The following TSPAN4 variants were observed in gnomAD, a reference collection of about 807,000 sequenced individuals.
TSPAN4 encodes tetraspanin-4.
In TSPAN4, 38 loss-of-function variants were observed where a neutral mutation model predicts 31.5. The observed-to-expected ratio is 1.21, with a 90% CI of 0.93 to 1.58. TSPAN4 has a LOEUF of 1.58. TSPAN4 is among the 40% of genes most tolerant of loss of function. The pLI, the probability that TSPAN4 is intolerant of heterozygous loss-of-function variation, is 0.00. For synonymous variants in TSPAN4, 186 were observed against 144.6 expected (o/e 1.29, Z -2.06); for missense variants, 330 against 317.3 (o/e 1.04, Z -0.30).
At chr11:861,493 A>G (rs936707205) in intron 3 of TSPAN4, among the ~76,000 whole-genome samples, 7 of 152,098 alleles carry the variant, frequency 4.6e-5, no homozygotes, top group African/African-American at 1.7e-4. Context: ...TGGGTGGATC[A>G]CGAGGTTGGG....
chr11:858,898 C>G (rs1423811215), intron 3 of TSPAN4, among the ~76,000 whole-genome samples: 3 of 145,220 alleles, frequency 2.1e-5, no homozygotes, highest in Non-Finnish European at 1.5e-5. Context: ...ACACGCATCC[C>G]CGCTCACACG....
chr11:864,995 G>A (rs186123737), intron 5 of TSPAN4: 32 of 183,704 alleles, frequency 1.7e-4, no homozygotes, highest in African/African-American at 6.1e-4. Flanking sequence ...AGCTTCTGCC[G>A]TCTGCTGCTG....
chr11:864,575 G>A (rs1589796330), intron 5 of TSPAN4, 64 bp downstream of exon 5: 2 of 1,590,316 alleles, frequency 1.3e-6, no homozygotes, highest in East Asian at 4.5e-5. Context: ...CTCCCAGGGA[G>A]CACTGTGGGC....
intron 1 of TSPAN4, among the ~76,000 whole-genome samples, chr11:846,555 G>A (rs908824801): frequency 2.0e-5 from 3 of 152,194 alleles, no homozygotes; most frequent in Non-Finnish European, 2.9e-5. Context: ...ACTGCGTTTG[G>A]CTGCCCAGGT....
In TSPAN4 at chr11:865,927, G is replaced by A. The variant is rs766986570; in HGVS notation, c.574G>A (p.Glu192Lys). The A allele has an allele frequency of 1.1e-5, 17 of 1,613,166 alleles. No individual in the cohort carries two copies. The highest frequency in any genetic ancestry group is 1.7e-5 in the Admixed American group (1 of 60,034). ...ACATCCCTCCCTGCAGCCGTGCTAC[G>A]AGACGGTGAAGGTGTGGCTTCAGGA... The part of the protein sequence containing the change: ...PGTWWKAPCY[E>K]TVKVWLQENL... The change falls in exon 8 of 9, where the codon GAG (glutamate) becomes AAG (lysine). Residue 192 changes from glutamate to lysine, a missense_variant. By Grantham distance (56) the Glu-to-Lys change is moderately conservative (BLOSUM62 1). Transcript: ENST00000397397.
chr11:846,560 C>G (rs1590221545), intron 1 of TSPAN4, among the ~76,000 whole-genome samples: 1 of 152,166 alleles, frequency 6.6e-6, no homozygotes, highest in Non-Finnish European at 1.5e-5. Flanking sequence ...GTTTGGCTGC[C>G]CAGGTGGGTT....
chr11:853,661 C>T (rs975297791), intron 3 of TSPAN4, among the ~76,000 whole-genome samples: 1 of 152,064 alleles, frequency 6.6e-6, no homozygotes, highest in African/African-American at 2.4e-5. Context: ...TGGTGGGGGA[C>T]CCGGTGGGGC....
At chr11:852,142 T>G (rs1847785936) in intron 3 of TSPAN4, among the ~76,000 whole-genome samples, 1 of 152,152 alleles carries the variant, frequency 6.6e-6, no homozygotes, top group Non-Finnish European at 1.5e-5. Flanking sequence ...TATCTTTGTT[T>G]TTTGAGATAG....
Position 865,495 on chromosome 11 carries a change from C to T in TSPAN4, c.331-18C>T, listed in dbSNP as rs61614113. The T allele has an allele frequency of 3.2e-6, 5 of 1,570,604 alleles. No homozygotes were observed. In the South Asian group the frequency reaches 4.5e-5, roughly 14 times the overall value. On this transcript the variant is annotated intron_variant, in intron 5 of 8. Coordinates refer to ENST00000397397, the MANE Select transcript of TSPAN4 (RefSeq NM_003271.5). ...GGTACAGTGGGAGGGGCCCTGCTGA[C>T]CCCCCCCGCACCCCCAGATTGACAG... is the stretch of plus-strand genomic sequence containing the variant.
At position 865,676 on chromosome 11, in the gene TSPAN4, C is replaced by T; in HGVS notation, c.433-18C>T. 1.2e-6 allele frequency: 2 copies of T among 1,613,002 alleles called. No homozygotes were observed. Among genetic ancestry groups the T allele is most frequent in the Non-Finnish European group, 1.7e-6 (2 of 1,179,858 alleles). On this transcript the variant is annotated intron_variant, in intron 6 of 8. Coordinates refer to ENST00000397397, the MANE Select transcript of TSPAN4 (RefSeq NM_003271.5). Reference sequence around the variant, plus strand: ...CCCCTCCCCTCCTGCCTCAGCCCGACCTGAGCTTGCCCCCCAGTTCCGCTG... The same window carrying T: ...CCCCTCCCCTCCTGCCTCAGCCCGATCTGAGCTTGCCCCCCAGTTCCGCTG...
intron 2 of TSPAN4, 137 bp downstream of exon 2, chr11:847,437 T>TGG (rs1847379487): frequency 6.6e-6 from 1 of 152,042 alleles, no homozygotes; most frequent in African/African-American, 2.4e-5. Context: ...GGAGCTCCCG[T>TGG]GGGGAGGGGC....
At chr11:849,475 G>T (rs1346322501) in intron 2 of TSPAN4, among the ~76,000 whole-genome samples, 2 of 152,252 alleles carry the variant, frequency 1.3e-5, no homozygotes, top group South Asian at 4.1e-4. Context: ...TCCAAGCCCG[G>T]CCCGGGGCCA....
rs199497447 is a variant in TSPAN4, at chr11:862,591, C to T, written c.105C>T (p.Ala35=). The T allele has an allele frequency of 1.1e-4, 174 of 1,612,134 alleles. No individual in the cohort carries two copies. The highest frequency in any genetic ancestry group is 6.9e-4 in the South Asian group (63 of 90,998). The part of the protein sequence containing the change: ...CGVLGVGIWL[A]ATQGSFATLS... ...TGCTGGGTGTCGGCATCTGGCTGGC[C>T]GCCACACAGGGGAGCTTCGCCACGC... is the stretch of plus-strand genomic sequence containing the variant. Residue 35 remains alanine, a synonymous_variant, in exon 4 of 9, where the codon GCC becomes GCT. Transcript: ENST00000397397.
At position 848,474 on chromosome 11, in the gene TSPAN4, T is replaced by TG. The variant is rs1387113178; in HGVS notation, c.-18+1180dup. 4.0e-5 allele frequency among the ~76,000 whole-genome samples: 6 copies of TG among 151,874 alleles called. No individual in the cohort carries two copies. Among genetic ancestry groups the TG allele is most frequent in the Non-Finnish European group, 7.4e-5 (5 of 67,906 alleles). ...GGGCTGCAGTTCTCTACAGAGCCCT[T>TG]GGGGGGCAGCAGAGGCTTGGGGCAC... On this transcript the variant is annotated intron_variant, in intron 2 of 8. Transcript: ENST00000397397. This position sits in a 1 kb window ranked among gnomAD's most constrained non-coding sequence, Gnocchi z 5.7.
intron 3 of TSPAN4, among the ~76,000 whole-genome samples, chr11:854,888 CTT>C (rs1478833098): frequency 1.3e-5 from 2 of 152,252 alleles, no homozygotes; most frequent in African/African-American, 2.4e-5. Context: ...CCAGGCCTCT[CTT>C]TGAGGAGTTT....
rs373007265 is a variant in TSPAN4, at chr11:865,508, C to G, written c.331-5C>G. ...GGGCCCTGCTGACCCCCCCCGCACC[C>G]CCAGATTGACAGGTATGCCCAGCAA... On this transcript the variant is annotated splice_polypyrimidine_tract_variant and splice_region_variant and intron_variant, in intron 5 of 8. Coordinates refer to ENST00000397397, the MANE Select transcript of TSPAN4 (RefSeq NM_003271.5). 18 of 1,609,900 alleles carry G rather than the reference C, an allele frequency of 1.1e-5. No individual in the cohort carries two copies. The African/African-American group carries it at 2.3e-4, about 20-fold the overall frequency.
chr11:844,824 G>A (rs1158372682), intron 1 of TSPAN4, among the ~76,000 whole-genome samples: 1 of 152,134 alleles, frequency 6.6e-6, no homozygotes, highest in African/African-American at 2.4e-5. Context: ...GGCTCCCCCG[G>A]CTGCTTCCTG....
In TSPAN4 at chr11:865,897, G is replaced by A. The variant is rs115579173; in HGVS notation, c.565-21G>A. ...GGACCAGCAGGCCCTGCCGTGACAC[G>A]CATGACATCCCTCCCTGCAGCCGTG... On this transcript the variant is annotated intron_variant, in intron 7 of 8. Coordinates refer to ENST00000397397, the MANE Select transcript of TSPAN4 (RefSeq NM_003271.5). The A allele has an allele frequency of 9.3e-6, 15 of 1,612,876 alleles. No individual in the cohort carries two copies. The East Asian group carries it at 1.3e-4, about 14-fold the overall frequency.
intron 1 of TSPAN4, among the ~76,000 whole-genome samples, chr11:844,835 C>T (rs1847214298): frequency 6.6e-6 from 1 of 152,190 alleles, no homozygotes; most frequent in African/African-American, 2.4e-5. Context: ...CTGCTTCCTG[C>T]TAGAGGAGGG....
Sources: allele counts gnomAD v4.1 joint callset (sites outside exome capture counted in the v4.1 genomes callset), GRCh38; gene constraint gnomAD v4.1.1; non-coding constraint Gnocchi (gnomAD v3.1); transcripts MANE v1.5; gene names NCBI Gene and HGNC (gene_info 2026-07-23, HGNC 2026-07-21).